MRTFA: variants seen among roughly 807,000 people sequenced by gnomAD.
MRTFA encodes the protein myocardin-related transcription factor A.
A neutral mutation model predicts 83.5 loss-of-function variants in MRTFA; 20 were observed. The ratio of observed to expected loss-of-function variants is 0.24; its 90% confidence interval spans 0.17 to 0.35. MRTFA has a LOEUF of 0.35. MRTFA is among the 10% of genes least tolerant of loss of function. MRTFA has a pLI of 1.00. For missense variants in MRTFA, 1,200 were observed against 1,224.7 expected (o/e 0.98, Z 0.30); for synonymous variants, 659 against 541.2 (o/e 1.22, Z -3.02).
chr22:40,538,518 G>A (rs1190151604), intron 3 of MRTFA, among the ~76,000 whole-genome samples: 1 of 149,420 alleles, frequency 6.7e-6, no homozygotes, highest in Non-Finnish European at 1.5e-5. Flanking sequence ...ATTGTCCCAT[G>A]ACCCTGCCAA....
chr22:40,427,424 T>C (rs1029199768), intron 7 of MRTFA, among the ~76,000 whole-genome samples: 5 of 152,130 alleles, frequency 3.3e-5, no homozygotes, highest in African/African-American at 1.2e-4. Context: ...TCAGCATGCG[T>C]TGGGGGTCTG....
chr22:40,423,773 G>A (rs905927590), intron 8 of MRTFA, 88 bp from the exon 9 acceptor site: 21 of 1,239,056 alleles, frequency 1.7e-5, no homozygotes, highest in African/African-American at 1.1e-4. Context: ...GTCCTCAGAC[G>A]CCACCATTGT....
chr22:40,615,536 CT>C (rs1014573226), intron 1 of MRTFA, among the ~76,000 whole-genome samples: 2 of 152,142 alleles, frequency 1.3e-5, no homozygotes, highest in African/African-American at 4.8e-5. Context: ...AAGACACAAT[CT>C]TTAGATTATT....
At chr22:40,460,537 A>C (rs899318150) in intron 4 of MRTFA, among the ~76,000 whole-genome samples, 18 of 152,228 alleles carry the variant, frequency 1.2e-4, no homozygotes, top group Non-Finnish European at 2.5e-4. Flanking sequence ...CCTTGAGGGC[A>C]GATACCATGC....
chr22:40,576,765 A>G lies in MRTFA; in HGVS notation c.-22+17909T>C, dbSNP rs76589707. ...CTCCAATATAATGTATACCTAAAGT[A>G]GTTTGTTTTCTGTCATCATTAAGAT... is the stretch of plus-strand genomic sequence containing the variant. On this transcript the variant is annotated intron_variant, in intron 2 of 14. Transcript: ENST00000355630. 1.6e-3 allele frequency among the ~76,000 whole-genome samples: 242 copies of G among 152,326 alleles called. 1 individual carries two copies. Among genetic ancestry groups the G allele is most frequent in the African/African-American group, 5.6e-3 (234 of 41,574 alleles).
intron 3 of MRTFA, among the ~76,000 whole-genome samples, chr22:40,518,532 G>A (rs547602266): frequency 2.6e-5 from 4 of 151,974 alleles, no homozygotes; most frequent in Admixed American, 6.6e-5. Context: ...GGTGGCTCAC[G>A]CCTGTAATGC....
At chr22:40,451,435 G>T (rs921453201) in intron 4 of MRTFA, among the ~76,000 whole-genome samples, 3 of 152,114 alleles carry the variant, frequency 2.0e-5, no homozygotes, top group Non-Finnish European at 4.4e-5. Context: ...TGGTATGCAC[G>T]CTTGCCACCA....
At chr22:40,519,721 A>C in intron 3 of MRTFA, 1 of 708,806 alleles carries the variant, frequency 1.4e-6, no homozygotes, top group Non-Finnish European at 2.0e-6. Context: ...AAGCACAATA[A>C]TGGAGTCAGG....
intron 2 of MRTFA, among the ~76,000 whole-genome samples, chr22:40,560,795 T>C (rs563507422): frequency 6.6e-6 from 1 of 152,258 alleles, no homozygotes; most frequent in South Asian, 2.1e-4. Context: ...ATTATGCATC[T>C]TTTCTCCACC....
intron 3 of MRTFA, among the ~76,000 whole-genome samples, chr22:40,540,239 T>C (rs1389302019): frequency 6.6e-6 from 1 of 152,156 alleles, no homozygotes; most frequent in African/African-American, 2.4e-5. Context: ...AAGGAGTATT[T>C]CACAGGTGGT....
intron 3 of MRTFA, among the ~76,000 whole-genome samples, chr22:40,520,403 A>C (rs1180725011): frequency 6.6e-6 from 1 of 151,834 alleles, no homozygotes; most frequent in Non-Finnish European, 1.5e-5. Context: ...AAATGTTTTT[A>C]AGGTTCATCA....
intron 3 of MRTFA, among the ~76,000 whole-genome samples, chr22:40,506,147 T>C (rs182084716): frequency 0.016 from 2,484 of 151,980 alleles, 65 homozygotes; most frequent in African/African-American, 0.057. Flanking sequence ...GGCAGGAGAA[T>C]GGTGTGAACC....
At chr22:40,545,118 T>G (rs2055343272) in intron 3 of MRTFA, among the ~76,000 whole-genome samples, 2 of 152,038 alleles carry the variant, frequency 1.3e-5, no homozygotes, top group Admixed American at 1.3e-4. Context: ...ATGCCAGAAC[T>G]CCTTGAGCTG....
At chr22:40,502,830 C>G (rs1187777922) in intron 3 of MRTFA, among the ~76,000 whole-genome samples, 3 of 152,158 alleles carry the variant, frequency 2.0e-5, no homozygotes, top group South Asian at 2.1e-4. Flanking sequence ...CATCCTCCCC[C>G]CATATTGCTT....
intron 2 of MRTFA, among the ~76,000 whole-genome samples, chr22:40,560,271 T>A (rs961098470): frequency 2.0e-5 from 3 of 152,190 alleles, no homozygotes; most frequent in African/African-American, 4.8e-5. Flanking sequence ...TAGTATTTTT[T>A]AAAAAATAAG....
At chr22:40,598,398 G>A (rs150358018) in intron 1 of MRTFA, among the ~76,000 whole-genome samples, 76 of 152,162 alleles carry the variant, frequency 5.0e-4, no homozygotes, top group Admixed American at 2.4e-3. Context: ...ATCAGCATTA[G>A]AGAAATGCCA....
intron 1 of MRTFA, among the ~76,000 whole-genome samples, chr22:40,599,213 G>A (rs1212835027): frequency 1.3e-5 from 2 of 151,782 alleles, no homozygotes; most frequent in East Asian, 1.9e-4. Context: ...CAGGAGAATC[G>A]CTTGAACCCA....
chr22:40,497,844 T>C (rs2054382131), intron 3 of MRTFA, among the ~76,000 whole-genome samples: 1 of 150,654 alleles, frequency 6.6e-6, no homozygotes, highest in Non-Finnish European at 1.5e-5. Context: ...TAGTTTAAGA[T>C]GTACCTTGGC....
chr22:40,450,963 G>A (rs920159991), intron 4 of MRTFA, among the ~76,000 whole-genome samples: 1 of 152,182 alleles, frequency 6.6e-6, no homozygotes. Context: ...ACCCCTCTGA[G>A]GCTCAGTAGC....
Sources: gnomAD v4.1 joint callset for allele counts (sites outside exome capture counted in the v4.1 genomes callset) on GRCh38, gnomAD v4.1.1 for gene constraint, MANE v1.5 for transcripts, NCBI Gene and HGNC (gene_info 2026-07-23, HGNC 2026-07-21) for gene names.